The following ADGRV1 variants were observed in gnomAD, a reference collection of about 807,000 sequenced individuals.
ADGRV1 encodes the protein adhesion G protein-coupled receptor V1.
ADGRV1 carries 359 observed loss-of-function variants against 596.2 expected under a neutral mutation model. The observed-to-expected ratio is 0.60, with a 90% CI of 0.55 to 0.66. The LOEUF (loss-of-function observed/expected upper bound fraction) is 0.66. ADGRV1 is among the 30% of genes least tolerant of loss of function. The probability of loss-of-function intolerance (pLI) is 0.00; values close to 1 mark genes in which losing one functional copy is unlikely to be tolerated. For synonymous variants in ADGRV1, 2,681 were observed against 2,679.2 expected (o/e 1.00, Z -0.02); for missense variants, 7,274 against 7,575.6 (o/e 0.96, Z 1.48).
At chr5:90,681,486 A>C in intron 27 of ADGRV1, 32 bp downstream of exon 27, 2 of 1,586,976 alleles carry the variant, frequency 1.3e-6, no homozygotes, top group Non-Finnish European at 1.7e-6. Context: ...ATTCCTAGAC[A>C]CTTTCTGTTG....
intron 85 of ADGRV1, among the ~76,000 whole-genome samples, chr5:90,991,886 T>A (rs187849372): frequency 6.6e-5 from 10 of 152,214 alleles, no homozygotes; most frequent in Middle Eastern, 3.4e-3. Flanking sequence ...GAAAAAAAAG[T>A]TTGTTAGAGA....
intron 83 of ADGRV1, among the ~76,000 whole-genome samples, chr5:90,912,486 G>GGTAGTAA (rs1475155753): frequency 2.0e-5 from 3 of 152,156 alleles, no homozygotes; most frequent in African/African-American, 7.2e-5. Context: ...TTGTCACCCA[G>GGTAGTAA]GTAGTAAGCA....
At position 91,153,186 on chromosome 5, in the gene ADGRV1, A is replaced by G; in HGVS notation, c.18625-35A>G. 7.1e-6 allele frequency: 11 copies of G among 1,551,958 alleles called. No homozygotes were observed. The Admixed American group carries it at 2.0e-4, about 29-fold the overall frequency. Reference sequence around the variant, plus strand: ...TAGTGAATGTGTATGCATTCATATTATGGTTTCTTTTTCCCCCCATCCCAA... The same window carrying G: ...TAGTGAATGTGTATGCATTCATATTGTGGTTTCTTTTTCCCCCCATCCCAA... On this transcript the variant is annotated intron_variant, in intron 88 of 89. Transcript: ENST00000405460.
intron 1 of ADGRV1, among the ~76,000 whole-genome samples, chr5:90,595,687 C>T (rs1421166786): frequency 1.4e-4 from 19 of 131,580 alleles, no homozygotes; most frequent in East Asian, 9.6e-4. Flanking sequence ...CCCTCCCGGA[C>T]GGGGCGGCTG....
chr5:90,849,760 T>C (rs889801776), intron 79 of ADGRV1, among the ~76,000 whole-genome samples: 3 of 152,300 alleles, frequency 2.0e-5, no homozygotes, highest in Non-Finnish European at 4.4e-5. Flanking sequence ...AAAAAAGTTA[T>C]AAGAACAAGG....
chr5:90,881,734 T>TAA (rs200481837), intron 83 of ADGRV1, among the ~76,000 whole-genome samples: 1 of 149,594 alleles, frequency 6.7e-6, no homozygotes, highest in Non-Finnish European at 1.5e-5. Flanking sequence ...TGTGGGACTT[T>TAA]AAAAAAAAAA....
chr5:91,111,213 TTCTC>T (rs968032952), intron 87 of ADGRV1, among the ~76,000 whole-genome samples: 3 of 151,982 alleles, frequency 2.0e-5, no homozygotes, highest in Non-Finnish European at 4.4e-5. Flanking sequence ...TAACAAACAG[TTCTC>T]TCTCTCTCAC....
chr5:90,938,514 A>G (rs1434357275), intron 83 of ADGRV1, among the ~76,000 whole-genome samples: 1 of 152,194 alleles, frequency 6.6e-6, no homozygotes, highest in East Asian at 1.9e-4. Flanking sequence ...TCCCCAGTGA[A>G]TACTTGTATG....
At chr5:90,945,616 T>G (rs557688218) in intron 83 of ADGRV1, among the ~76,000 whole-genome samples, 1 of 152,294 alleles carries the variant, frequency 6.6e-6, no homozygotes, top group African/African-American at 2.4e-5. Flanking sequence ...ACCTAATGCC[T>G]TCATCCTACA....
At chr5:90,688,138 T>C (rs1005818906) in intron 29 of ADGRV1, among the ~76,000 whole-genome samples, 1 of 152,032 alleles carries the variant, frequency 6.6e-6, no homozygotes, top group African/African-American at 2.4e-5. Context: ...CTACCTGACC[T>C]CAAACTATAC....
chr5:90,853,474 G>C lies in ADGRV1; in HGVS notation c.17395G>C (p.Glu5799Gln). 6.2e-7 allele frequency: 1 copy of C among 1,612,916 alleles called. No individual in the cohort carries two copies. Among genetic ancestry groups the C allele is most frequent in the Non-Finnish European group, 8.5e-7 (1 of 1,179,174 alleles). The part of the protein sequence containing the change: ...KSTCKLVQFT[E>Q]YSSQQWFISG... Reference sequence around the variant, plus strand: ...TACATGTAAATTAGTCCAGTTTACAGAGTATAGCAGCCAACAGTGGTTTAT... The same window carrying C: ...TACATGTAAATTAGTCCAGTTTACACAGTATAGCAGCCAACAGTGGTTTAT... The change falls in exon 80 of 90, where the codon GAG (glutamate) becomes CAG (glutamine). Residue 5799 changes from glutamate to glutamine, a missense_variant. Coordinates refer to ENST00000405460, the MANE Select transcript of ADGRV1 (RefSeq NM_032119.4).
chr5:91,038,385 T>A (rs1046313678), intron 85 of ADGRV1, among the ~76,000 whole-genome samples: 1 of 152,176 alleles, frequency 6.6e-6, no homozygotes, highest in African/African-American at 2.4e-5. Context: ...TATGAGGGAT[T>A]TGTTGTAGGG....
At chr5:90,607,585 A>G (rs774862467) in intron 1 of ADGRV1, among the ~76,000 whole-genome samples, 1 of 152,102 alleles carries the variant, frequency 6.6e-6, no homozygotes, top group Non-Finnish European at 1.5e-5. Context: ...TGGTAATTAT[A>G]TCTGTACCCT....
At chr5:90,852,697 A>T (rs1297169191) in intron 79 of ADGRV1, among the ~76,000 whole-genome samples, 2 of 152,254 alleles carry the variant, frequency 1.3e-5, no homozygotes, top group South Asian at 4.1e-4. Context: ...CACTGAGCCC[A>T]GGCTCTTATT....
chr5:90,985,397 A>G lies in ADGRV1; in HGVS notation c.18027A>G (p.Arg6009=), dbSNP rs747036754. The G allele has an allele frequency of 1.7e-5, 27 of 1,613,596 alleles. No individual in the cohort carries two copies. In the Admixed American group the frequency reaches 3.2e-4, roughly 19 times the overall value. ...LVMNDEHTER[R]YLLFFLLSWG... is the part of the protein sequence containing the mutation. ...TGAATGATGAGCACACAGAGAGGCG[A>G]TATCTGCTGTTTTTCCTTCTGAGTT... The change falls in exon 85 of 90, where the codon CGA becomes CGG. Residue 6009 remains arginine (R), a synonymous_variant. Transcript: ENST00000405460.
At chr5:90,781,187 T>G (rs942853408) in intron 64 of ADGRV1, 2 of 483,104 alleles carry the variant, frequency 4.1e-6, no homozygotes, top group Admixed American at 6.7e-5. Flanking sequence ...CCAAGTTTAG[T>G]AACTTTATAT....
chr5:90,786,114 G>C (rs1759413750), intron 67 of ADGRV1, among the ~76,000 whole-genome samples: 1 of 152,062 alleles, frequency 6.6e-6, no homozygotes, highest in African/African-American at 2.4e-5. Flanking sequence ...CATGGATGAA[G>C]CTGGAAACCA....
chr5:90,871,551 A>C (rs1768682851), intron 83 of ADGRV1, among the ~76,000 whole-genome samples: 1 of 152,232 alleles, frequency 6.6e-6, no homozygotes, highest in African/African-American at 2.4e-5. Context: ...GAATGAGGCT[A>C]CAGTGACATT....
chr5:91,154,454 T>G (rs2126921505), intron 89 of ADGRV1, among the ~76,000 whole-genome samples: 1 of 152,370 alleles, frequency 6.6e-6, no homozygotes, highest in Non-Finnish European at 1.5e-5. Context: ...TATTTTCATG[T>G]ATCATATTTT....
Sources: allele counts gnomAD v4.1 joint callset (sites outside exome capture counted in the v4.1 genomes callset), GRCh38; gene constraint gnomAD v4.1.1; transcripts MANE v1.5; gene names NCBI Gene and HGNC (gene_info 2026-07-23, HGNC 2026-07-21).